The following KCNA3 variants were observed in gnomAD, a reference collection of about 807,000 sequenced individuals.
The protein encoded by KCNA3 is potassium voltage-gated channel subfamily A member 3, also known as RP11-284N8.3.
Under a neutral mutation model 34.3 loss-of-function variants are expected in KCNA3, and 18 were observed. The ratio of observed to expected loss-of-function variants is 0.52; its 90% CI spans 0.36 to 0.78. KCNA3 has a LOEUF of 0.78. Ranked by LOEUF, KCNA3 falls within the 30% of genes least tolerant of loss-of-function variation. KCNA3 has a pLI of 0.00. For missense variants in KCNA3, 587 were observed against 802.5 expected, an observed-to-expected ratio of 0.73 and a Z score of 3.24; for synonymous variants, 324 against 351.7, an observed-to-expected ratio of 0.92 and a Z score of 0.88.
downstream of KCNA3, among the ~76,000 whole-genome samples, chr1:110,668,315 C>T (rs1651761137): frequency 6.6e-6 from 1 of 152,102 alleles, no homozygotes; most frequent in Admixed American, 6.5e-5. Flanking sequence ...CTTCTATTCA[C>T]AGCTGAGAGG....
chr1:110,655,250 A>G, the KCNA3 span: 1 of 152,098 alleles, frequency 6.6e-6, no homozygotes, highest in South Asian at 2.1e-4. Flanking sequence ...CAGTGCCCTT[A>G]AAAGTGAAAA....
At chr1:110,665,694 G>A in the KCNA3 span, among the ~76,000 whole-genome samples, 1 of 152,128 alleles carries the variant, frequency 6.6e-6, no homozygotes, top group African/African-American at 2.4e-5. Flanking sequence ...AATGAAGAAC[G>A]AAGAGATGAG....
At chr1:110,660,831 T>C in the KCNA3 span, among the ~76,000 whole-genome samples, 4 of 152,206 alleles carry the variant, frequency 2.6e-5, no homozygotes, top group Non-Finnish European at 4.4e-5. Context: ...AATAGACTTA[T>C]TCACTTCCTA....
At chr1:110,661,986 G>A in the KCNA3 span, among the ~76,000 whole-genome samples, 1 of 151,496 alleles carries the variant, frequency 6.6e-6, no homozygotes, top group Non-Finnish European at 1.5e-5. Context: ...GGTGGCGGGC[G>A]CCTGTAGTCA....
the KCNA3 span, among the ~76,000 whole-genome samples, chr1:110,660,208 A>G: frequency 1.3e-5 from 2 of 152,180 alleles, no homozygotes; most frequent in East Asian, 3.8e-4. Flanking sequence ...TATTTCTTTT[A>G]ATTTGTAAGT....
chr1:110,674,628 A>T lies in KCNA3; in HGVS notation c.182T>A (p.Leu61Gln), dbSNP rs1239911418. Residue 61 changes from leucine to glutamine, a missense_variant, in exon 1 of 1, where the codon CTG (leucine) becomes CAG (glutamine). By Grantham distance (113) the Leu-to-Gln change is moderately radical. Transcript: ENST00000369769. This position sits in a 1 kb window ranked among gnomAD's most constrained non-coding sequence, Gnocchi z 6.4. ...PDMTVVPGDH[L>Q]LEPEVADGGG... ...ACCATCGGCCACCTCCGGCTCCAGC[A>T]GGTGGTCCCCGGGCACCACGGTCAT... is the stretch of plus-strand genomic sequence containing the variant. 6.4e-7 allele frequency: 1 copy of T among 1,553,838 alleles called. No individual in the cohort carries two copies. The highest frequency in any genetic ancestry group is 8.6e-7 in the Non-Finnish European group (1 of 1,159,928).
At chr1:110,664,692 A>C in the KCNA3 span, among the ~76,000 whole-genome samples, 1 of 152,238 alleles carries the variant, frequency 6.6e-6, no homozygotes, top group African/African-American at 2.4e-5. Context: ...GATACAGCAT[A>C]CTGAGCAGAC....
chr1:110,667,657 A>G (rs746260949), downstream of KCNA3, among the ~76,000 whole-genome samples: 35 of 152,182 alleles, frequency 2.3e-4, no homozygotes, highest in Non-Finnish European at 4.4e-4. Flanking sequence ...CTTAATATGC[A>G]TTTGATGGCT....
chr1:110,655,211 C>T, the KCNA3 span: 1 of 151,822 alleles, frequency 6.6e-6, no homozygotes, highest in Non-Finnish European at 1.5e-5. Flanking sequence ...TTATACCATT[C>T]TGTGGGATAG....
In KCNA3 at chr1:110,673,676, C is replaced by T. The variant is rs764449826; in HGVS notation, c.1134G>A (p.Ser378=). ...GGATCTGCAGCCCCTTGGAGTGGCG[C>T]GACAGCTTGAAGATGCGGAAGACCC... ...LVRVFRIFKL[S]RHSKGLQILG... Residue 378 remains serine, a synonymous_variant, in exon 1 of 1, where the codon TCG becomes TCA. Coordinates refer to ENST00000369769, the MANE Select transcript of KCNA3 (RefSeq NM_002232.5). The surrounding 1 kb of genome is among the most constrained non-coding windows in gnomAD (Gnocchi z 8.8). The T allele has an allele frequency of 1.9e-6, 3 of 1,614,174 alleles. No individual in the cohort carries two copies. The highest frequency in any genetic ancestry group is 1.1e-5 in the South Asian group (1 of 91,078).
chr1:110,664,166 G>A, the KCNA3 span, among the ~76,000 whole-genome samples: 1 of 152,136 alleles, frequency 6.6e-6, no homozygotes, highest in African/African-American at 2.4e-5. Flanking sequence ...AGATAGATAA[G>A]CCTTTTGTAG....
the KCNA3 span, among the ~76,000 whole-genome samples, chr1:110,664,898 C>T: frequency 6.6e-6 from 1 of 152,318 alleles, no homozygotes; most frequent in South Asian, 2.1e-4. Flanking sequence ...GGCAGCCACG[C>T]AGCTATCAGA....
chr1:110,659,931 T>TGGGGGGGGGG, the KCNA3 span, among the ~76,000 whole-genome samples: 1 of 26,810 alleles, frequency 3.7e-5, no homozygotes, highest in East Asian at 1.0e-3. Context: ...TGTTGGGGGG[T>TGGGGGGGGGG]GGGGGGCTGG....
chr1:110,669,582 A>T (rs1157527657), downstream of KCNA3, among the ~76,000 whole-genome samples: 1 of 152,222 alleles, frequency 6.6e-6, no homozygotes, highest in Non-Finnish European at 1.5e-5. Flanking sequence ...CATAGGCTGA[A>T]GCCAAGTCTA....
At chr1:110,657,749 G>A in the KCNA3 span, among the ~76,000 whole-genome samples, 2 of 152,072 alleles carry the variant, frequency 1.3e-5, no homozygotes. Context: ...GTCTATTTTT[G>A]TAACACCTAC....
At chr1:110,665,379 A>G in the KCNA3 span, among the ~76,000 whole-genome samples, 1 of 152,196 alleles carries the variant, frequency 6.6e-6, no homozygotes, top group African/African-American at 2.4e-5. Context: ...GGACTAAATA[A>G]GGGGTGTAAG....
In KCNA3 at chr1:110,674,564, G is replaced by A; in HGVS notation, c.246C>T (p.Gly82=). Residue 82 remains glycine (G), a synonymous_variant, in exon 1 of 1, where the codon GGC becomes GGT. Transcript: ENST00000369769. The surrounding 1 kb of genome is among the most constrained non-coding windows in gnomAD (Gnocchi z 6.4). ...GCGGCAGCGGCTCGTAGCGGTCGCA[G>A]CCGCCGCCGCCACAGCCGCCTTGAG... The part of the protein sequence containing the change: ...APPQGGCGGG[G]CDRYEPLPPS... The A allele has an allele frequency of 1.9e-6, 3 of 1,543,296 alleles. No individual in the cohort carries two copies. The highest frequency in any genetic ancestry group is 2.0e-5 in the Admixed American group (1 of 50,384).
chr1:110,659,817 C>T, the KCNA3 span, among the ~76,000 whole-genome samples: 2 of 151,490 alleles, frequency 1.3e-5, no homozygotes, highest in Non-Finnish European at 2.9e-5. Context: ...CCATCATTCT[C>T]GGCAAACTAT....
the KCNA3 span, among the ~76,000 whole-genome samples, chr1:110,666,796 T>C: frequency 2.6e-5 from 4 of 152,164 alleles, no homozygotes; most frequent in African/African-American, 9.7e-5. Context: ...GGAGGCTAAA[T>C]GACAAAATTT....
Sources: gnomAD v4.1 joint callset for allele counts (sites outside exome capture counted in the v4.1 genomes callset) on GRCh38, gnomAD v4.1.1 for gene constraint, Gnocchi (gnomAD v3.1) non-coding constraint, MANE v1.5 for transcripts, NCBI Gene and HGNC (gene_info 2026-07-23, HGNC 2026-07-21) for gene names.